Variants in HEMK1 observed in about 807,000 individuals in gnomAD.
HEMK1 encodes MTRF1L release factor glutamine methyltransferase.
In HEMK1, 36 loss-of-function variants were observed where a neutral mutation model predicts 47.9. The ratio of observed to expected loss-of-function variants is 0.75; its 90% CI spans 0.58 to 0.99. HEMK1 has a LOEUF of 0.99. HEMK1 is among the 50% of genes least tolerant of loss of function. HEMK1 has a pLI of 0.00. For synonymous variants in HEMK1, 153 were observed against 165.4 expected, an observed-to-expected ratio of 0.93 and a Z score of 0.57; for missense variants, 383 against 434.5, an observed-to-expected ratio of 0.88 and a Z score of 1.05.
chr3:50,593,017 C>A lies in HEMK1; in HGVS notation c.*12600C>A, dbSNP rs1229827161. On this transcript the variant is annotated 3_prime_UTR_variant, in exon 11 of 11. Transcript: ENST00000232854. ...AGCCTCAGGTCTTTGGGGTGTTGCC[C>A]CTCCACTACATGGCCCCAGACCAAG... 1 of 152,178 alleles carries A rather than the reference C, an allele frequency of 6.6e-6. No individual in the cohort carries two copies. Among genetic ancestry groups the A allele is most frequent in the Non-Finnish European group, 1.5e-5 (1 of 68,042 alleles). 9.4% of individuals were successfully genotyped at this position (152,178 alleles called of 1,614,324 possible). A position where few individuals can be genotyped will look rare whatever the true frequency, so the allele number is the denominator to read the frequency against.
In HEMK1 at chr3:50,580,850, T is replaced by TAA; in HGVS notation, c.*433_*434insAA. 4.5e-6 allele frequency: 1 copy of TAA among 224,588 alleles called. No individual in the cohort carries two copies. The highest frequency in any genetic ancestry group is 8.9e-6 in the Non-Finnish European group (1 of 112,460). The allele number at this position is 224,588 out of a possible 1,614,324, so 13.9% of individuals were successfully genotyped here. ...GCACGTGAGTCCTCACTCCTGGCCT[T>TAA]GGATACCATGGGTCCTGGCATAGAG... On this transcript the variant is annotated 3_prime_UTR_variant, in exon 11 of 11. Coordinates refer to ENST00000232854, the MANE Select transcript of HEMK1 (RefSeq NM_016173.5).
chr3:50,578,208 T>C (rs572140590), intron 7 of HEMK1, among the ~76,000 whole-genome samples: 14 of 152,238 alleles, frequency 9.2e-5, no homozygotes, highest in African/African-American at 3.4e-4. Context: ...AGGACCAAAA[T>C]ACTTGAGTGC....
intron 7 of HEMK1, among the ~76,000 whole-genome samples, chr3:50,578,414 G>C (rs1480367509): frequency 6.6e-6 from 1 of 152,218 alleles, no homozygotes; most frequent in Admixed American, 6.5e-5. Flanking sequence ...CCAGTAGTCA[G>C]AGCCATCAGG....
In HEMK1 at chr3:50,582,511, C is replaced by T. The variant is rs1158367809; in HGVS notation, c.*2094C>T. The T allele has an allele frequency of 6.6e-6, 1 of 152,262 alleles. No homozygotes were observed. Among genetic ancestry groups the T allele is most frequent in the Admixed American group, 6.5e-5 (1 of 15,290 alleles). 9.4% of individuals were successfully genotyped at this position (152,262 alleles called of 1,614,324 possible). A position where few individuals can be genotyped will look rare whatever the true frequency, so the allele number is the denominator to read the frequency against. On this transcript the variant is annotated 3_prime_UTR_variant, in exon 11 of 11. Coordinates refer to ENST00000232854, the MANE Select transcript of HEMK1 (RefSeq NM_016173.5). ...CTTGGGCAGATGACTTCACCTCACTCAGCCTTGGCTTCTAAGGCTGAGAAA... is the reference window on the plus strand; with the variant it reads ...CTTGGGCAGATGACTTCACCTCACTTAGCCTTGGCTTCTAAGGCTGAGAAA...
Position 50,580,475 on chromosome 3 carries a change from A to G in HEMK1, c.*58A>G, listed in dbSNP as rs1167619471. 6.4e-7 allele frequency: 1 copy of G among 1,566,998 alleles called. No individual in the cohort carries two copies. Among genetic ancestry groups the G allele is most frequent in the Non-Finnish European group, 8.8e-7 (1 of 1,138,442 alleles). On this transcript the variant is annotated 3_prime_UTR_variant, in exon 11 of 11. Transcript: ENST00000232854. ...GCCAGCCTGACCAGAGGGGAGGTGG[A>G]TGGCACTTTCCAGAGCCCAGGTTCT...
chr3:50,595,199 C>G lies in HEMK1; in HGVS notation c.*14782C>G, dbSNP rs895167600. The G allele has an allele frequency of 6.6e-6, 1 of 152,164 alleles. No individual in the cohort carries two copies. The highest frequency in any genetic ancestry group is 1.5e-5 in the Non-Finnish European group (1 of 68,066). The allele number at this position is 152,164 out of a possible 1,614,324, so 9.4% of individuals were successfully genotyped here. ...AGTGAGCCACCGCGCCCGGCTTATCCGACTTTGAAGCAAACAAGTTAGTCT... is the reference window on the plus strand; with the variant it reads ...AGTGAGCCACCGCGCCCGGCTTATCGGACTTTGAAGCAAACAAGTTAGTCT... On this transcript the variant is annotated 3_prime_UTR_variant, in exon 11 of 11. Transcript: ENST00000232854.
Position 50,571,285 on chromosome 3 carries a change from C to T in HEMK1, c.181C>T (p.Arg61Trp), listed in dbSNP as rs576388302. 8.1e-6 allele frequency: 13 copies of T among 1,611,874 alleles called. No individual in the cohort carries two copies. The highest frequency in any genetic ancestry group is 1.7e-4 in the Middle Eastern group (1 of 6,050). The change falls in exon 2 of 11, where the codon CGG (arginine) becomes TGG (tryptophan). Residue 61 changes from arginine (R) to tryptophan (W), a missense_variant. Physicochemically the swap from Arg to Trp is moderately radical, Grantham distance 101. Coordinates refer to ENST00000232854, the MANE Select transcript of HEMK1 (RefSeq NM_016173.5). ...TGAGAAGAGGGGTATCCCTGAGGCC[C>T]GGGAATCCAGTGAGTACATCGTGGC... ...VFEKRGIPEA[R>W]ESSEYIVAHV...
chr3:50,569,261 G>A (rs1218451133), upstream of HEMK1: 1 of 152,396 alleles, frequency 6.6e-6, no homozygotes, highest in Non-Finnish European at 1.5e-5. Flanking sequence ...GTGATTTTAA[G>A]GAAGACCGGC....
rs1029204881 is a variant in HEMK1, at chr3:50,591,904, T to C, written c.*11487T>C. The C allele has an allele frequency of 6.6e-6, 1 of 151,750 alleles. No homozygotes were observed. The highest frequency in any genetic ancestry group is 1.9e-4 in the East Asian group (1 of 5,164). The allele number at this position is 151,750 out of a possible 1,614,324, so 9.4% of individuals were successfully genotyped here. A position where few individuals can be genotyped will look rare whatever the true frequency, so the allele number is the denominator to read the frequency against. On this transcript the variant is annotated 3_prime_UTR_variant, in exon 11 of 11. Transcript: ENST00000232854. ...TCACGAGGTCAGGAGATCGAGACCA[T>C]CCTGACTAACACGGTGAAACCCTGT...
chr3:50,577,796 G>A lies in HEMK1; in HGVS notation c.615-30G>A, dbSNP rs369340168. On this transcript the variant is annotated intron_variant, in intron 6 of 10. Coordinates refer to ENST00000232854, the MANE Select transcript of HEMK1 (RefSeq NM_016173.5). ...TAGTGAAGGGTAGGGGTCTGCCCCC[G>A]TGCCTACCCCTTTCTCCCTGTCTGT... 5.6e-5 allele frequency: 90 copies of A among 1,612,416 alleles called. No individual in the cohort carries two copies. The African/African-American group carries it at 6.4e-4, about 11-fold the overall frequency.
chr3:50,589,888 ACT>A lies in HEMK1; in HGVS notation c.*9474_*9475del, dbSNP rs1315301268. On this transcript the variant is annotated 3_prime_UTR_variant, in exon 11 of 11. Coordinates refer to ENST00000232854, the MANE Select transcript of HEMK1 (RefSeq NM_016173.5). Reference sequence around the variant, plus strand: ...CTCCCACCCAGGCAACAAGAGCAAAACTCTGTCTCAAAAATAATAATAATAGG... The same window carrying A: ...CTCCCACCCAGGCAACAAGAGCAAAACTGTCTCAAAAATAATAATAATAGG... 1 of 150,178 alleles carries A rather than the reference ACT, an allele frequency of 6.7e-6. No individual in the cohort carries two copies. Among genetic ancestry groups the A allele is most frequent in the African/African-American group, 2.5e-5 (1 of 40,542 alleles). 9.3% of individuals were successfully genotyped at this position (150,178 alleles called of 1,614,324 possible).
intron 4 of HEMK1, among the ~76,000 whole-genome samples, chr3:50,575,220 C>T (rs951357248): frequency 6.6e-5 from 10 of 152,046 alleles, no homozygotes; most frequent in Middle Eastern, 3.4e-3. Flanking sequence ...GTCGGGAGTT[C>T]GAGACCAGCC....
Position 50,593,259 on chromosome 3 carries a change from A to G in HEMK1, c.*12842A>G, listed in dbSNP as rs1575975292. ...CTTGGCTTTGCTATAGGGAAAGAACACAGCCACTCCACACTCTGGGACAGC... is the reference window on the plus strand; with the variant it reads ...CTTGGCTTTGCTATAGGGAAAGAACGCAGCCACTCCACACTCTGGGACAGC... On this transcript the variant is annotated 3_prime_UTR_variant, in exon 11 of 11. Coordinates refer to ENST00000232854, the MANE Select transcript of HEMK1 (RefSeq NM_016173.5). 6.6e-6 allele frequency: 1 copy of G among 152,216 alleles called. No homozygotes were observed. The allele number at this position is 152,216 out of a possible 1,614,324, so 9.4% of individuals were successfully genotyped here.
In HEMK1 at chr3:50,596,029, C is replaced by T. The variant is rs964833358; in HGVS notation, c.*15612C>T. 6.6e-6 allele frequency: 1 copy of T among 152,038 alleles called. No individual in the cohort carries two copies. Among genetic ancestry groups the T allele is most frequent in the Non-Finnish European group, 1.5e-5 (1 of 67,998 alleles). 9.4% of individuals were successfully genotyped at this position (152,038 alleles called of 1,614,324 possible). ...GAGGTAGACGTTGCACTTTTTTTTC[C>T]TTCCAAATTGCTCCAATATCACTTA... On this transcript the variant is annotated 3_prime_UTR_variant, in exon 11 of 11. Transcript: ENST00000232854.
At chr3:50,572,032 G>A (rs1701035492) in intron 3 of HEMK1, 83 bp from the exon 4 acceptor site, 3 of 1,589,038 alleles carry the variant, frequency 1.9e-6, no homozygotes, top group African/African-American at 1.3e-5. Context: ...GATACCTTTG[G>A]CCACAAGTGG....
chr3:50,571,295 G>T lies in HEMK1; in HGVS notation c.191G>T (p.Ser64Ile), dbSNP rs1162108185. 6.2e-7 allele frequency: 1 copy of T among 1,611,142 alleles called. No homozygotes were observed. Among genetic ancestry groups the T allele is most frequent in the South Asian group, 1.1e-5 (1 of 90,614 alleles). Residue 64 changes from serine to isoleucine, a missense_variant, in exon 2 of 11, where the codon AGT becomes ATT. Physicochemically the swap from Ser to Ile is moderately radical, Grantham distance 142. Coordinates refer to ENST00000232854, the MANE Select transcript of HEMK1 (RefSeq NM_016173.5). Reference sequence around the variant, plus strand: ...GGTATCCCTGAGGCCCGGGAATCCAGTGAGTACATCGTGGCTCATGTCCTT... The same window carrying T: ...GGTATCCCTGAGGCCCGGGAATCCATTGAGTACATCGTGGCTCATGTCCTT... ...KRGIPEARES[S>I]EYIVAHVLGA...
At chr3:50,577,783 G>C (rs549971130) in intron 6 of HEMK1, 43 bp from the exon 7 acceptor site, 2 of 1,599,568 alleles carry the variant, frequency 1.3e-6, no homozygotes, top group African/African-American at 1.3e-5. Context: ...GTGAAGGGTA[G>C]GGGTCTGCCC....
At chr3:50,576,532 T>A (rs1701609043) in intron 4 of HEMK1, among the ~76,000 whole-genome samples, 1 of 152,150 alleles carries the variant, frequency 6.6e-6, no homozygotes, top group African/African-American at 2.4e-5. Flanking sequence ...GCCTTCTGAG[T>A]AGCTGGGACT....
chr3:50,588,677 G>GATA lies in HEMK1; in HGVS notation c.*8261_*8263dup, dbSNP rs1268664104. On this transcript the variant is annotated 3_prime_UTR_variant, in exon 11 of 11. Transcript: ENST00000232854. ...TGAACCCAGACTCTGATGTACTCCGGATATGGGTGGCGTGGACTGACAGAC... is the reference window on the plus strand; with the variant it reads ...TGAACCCAGACTCTGATGTACTCCGGATAATATGGGTGGCGTGGACTGACAGAC... 6.6e-6 allele frequency: 1 copy of GATA among 152,244 alleles called. No homozygotes were observed. The highest frequency in any genetic ancestry group is 1.9e-4 in the East Asian group (1 of 5,200). The allele number at this position is 152,244 out of a possible 1,614,324, so 9.4% of individuals were successfully genotyped here.
Sources: gnomAD v4.1 joint callset for allele counts (sites outside exome capture counted in the v4.1 genomes callset) on GRCh38, gnomAD v4.1.1 for gene constraint, MANE v1.5 for transcripts, NCBI Gene and HGNC (gene_info 2026-07-23, HGNC 2026-07-21) for gene names.